Variants in RBFOX1 observed in about 807,000 individuals in gnomAD.
RBFOX1 encodes RNA binding protein fox-1 homolog 1.
RBFOX1 carries 8 observed loss-of-function variants against 57.7 expected under a neutral mutation model. That is an observed-to-expected ratio of 0.14 (90% CI 0.08 to 0.25). The LOEUF (loss-of-function observed/expected upper bound fraction) is 0.25, where lower values mean the gene tolerates loss of function less well. Among genes scored for constraint, RBFOX1 ranks in the 10% least tolerant of loss-of-function variants. RBFOX1 has a pLI of 1.00. For missense variants in RBFOX1, 611 were observed against 548.5 expected (o/e 1.11, Z -1.14); for synonymous variants, 326 against 222.4 (o/e 1.47, Z -4.15).
chr16:5,777,451 T>C (rs2054184326), intron 3 of RBFOX1, among the ~76,000 whole-genome samples: 1 of 152,222 alleles, frequency 6.6e-6, no homozygotes, highest in Non-Finnish European at 1.5e-5. Flanking sequence ...GATGAGACTC[T>C]AGGCAGTAGG....
At chr16:5,595,418 G>A (rs760285030) in intron 2 of RBFOX1, among the ~76,000 whole-genome samples, 8 of 152,182 alleles carry the variant, frequency 5.3e-5, no homozygotes, top group Non-Finnish European at 8.8e-5. Flanking sequence ...TACATTTCCA[G>A]GGGAGACTAC....
At chr16:6,110,906 A>G (rs756060154) in intron 1 of RBFOX1, among the ~76,000 whole-genome samples, 12 of 152,206 alleles carry the variant, frequency 7.9e-5, no homozygotes, top group African/African-American at 1.2e-4. Flanking sequence ...CAAAATGTCA[A>G]TAGTGTTGAG....
chr16:7,563,003 G>C (rs2090779510), intron 5 of RBFOX1, among the ~76,000 whole-genome samples: 1 of 152,146 alleles, frequency 6.6e-6, no homozygotes, highest in South Asian at 2.1e-4. Flanking sequence ...GGATTGCAAT[G>C]CCAGGGCTCT....
At chr16:7,157,194 G>T (rs1423487474) in intron 4 of RBFOX1, among the ~76,000 whole-genome samples, 3 of 152,206 alleles carry the variant, frequency 2.0e-5, no homozygotes, top group Non-Finnish European at 4.4e-5. Flanking sequence ...TAGAATTGCA[G>T]GCTGGAAAGC....
chr16:6,835,195 C>T (rs1281206271), intron 3 of RBFOX1, among the ~76,000 whole-genome samples: 1 of 152,018 alleles, frequency 6.6e-6, no homozygotes, highest in Non-Finnish European at 1.5e-5. Flanking sequence ...GCCACCACGC[C>T]CGACCGGCCT....
intron 3 of RBFOX1, among the ~76,000 whole-genome samples, chr16:7,031,470 C>G (rs1453406096): frequency 1.3e-5 from 2 of 151,986 alleles, no homozygotes; most frequent in African/African-American, 4.8e-5. Flanking sequence ...GTGGCACATG[C>G]CTGTAGTTCT....
In RBFOX1 at chr16:7,213,245, C is replaced by T. The variant is rs113459777; in HGVS notation, c.27+161147C>T. ...AAAACAATGAGGCATCAGTTTTTCC[C>T]CCTTTATCAGTGGTTCCCCATTCTG... On this transcript the variant is annotated intron_variant, in intron 4 of 15. Transcript: ENST00000550418. Among the ~76,000 whole-genome samples the T allele has an allele frequency of 9.9e-3, 1,504 of 152,194 alleles. 30 individuals are homozygous for T. The highest frequency in any genetic ancestry group is 0.035 in the African/African-American group (1,444 of 41,498).
chr16:5,911,533 G>A (rs2058602132), intron 4 of RBFOX1, among the ~76,000 whole-genome samples: 1 of 152,182 alleles, frequency 6.6e-6, no homozygotes, highest in Admixed American at 6.5e-5. Flanking sequence ...TACGTTATGA[G>A]TCTTCAACGC....
intron 2 of RBFOX1, among the ~76,000 whole-genome samples, chr16:5,520,085 C>A (rs1414551022): frequency 1.3e-5 from 2 of 152,142 alleles, no homozygotes; most frequent in South Asian, 2.1e-4. Context: ...GTGATGGAAT[C>A]ATTTAAAGAA....
chr16:6,071,480 GA>G, intron 1 of RBFOX1, among the ~76,000 whole-genome samples: 1 of 152,108 alleles, frequency 6.6e-6, no homozygotes, highest in Non-Finnish European at 1.5e-5. Context: ...CCAATAACAT[GA>G]GTTTACCGAT....
chr16:7,557,585 A>C (rs1489960723), intron 5 of RBFOX1, among the ~76,000 whole-genome samples: 2 of 133,286 alleles, frequency 1.5e-5, no homozygotes, highest in Non-Finnish European at 3.1e-5. Flanking sequence ...GTACCACTGC[A>C]CTCCAGCCTG....
At chr16:6,720,783 G>T (rs983432444) in intron 3 of RBFOX1, among the ~76,000 whole-genome samples, 2 of 152,138 alleles carry the variant, frequency 1.3e-5, no homozygotes, top group African/African-American at 4.8e-5. Context: ...CTTCAAATAG[G>T]TGATAAAGTA....
At chr16:6,372,209 G>T (rs1484969022) in intron 2 of RBFOX1, among the ~76,000 whole-genome samples, 1 of 151,570 alleles carries the variant, frequency 6.6e-6, no homozygotes, top group East Asian at 2.0e-4. Context: ...GGATGAGAGG[G>T]TGGTTGGTAA....
At chr16:6,937,027 G>A (rs1029221679) in intron 3 of RBFOX1, among the ~76,000 whole-genome samples, 2 of 151,762 alleles carry the variant, frequency 1.3e-5, no homozygotes. Context: ...CACCAGCATT[G>A]CACATGTATA....
intron 4 of RBFOX1, among the ~76,000 whole-genome samples, chr16:7,278,337 ATGG>A (rs2095479647): frequency 6.6e-6 from 1 of 152,196 alleles, no homozygotes; most frequent in Non-Finnish European, 1.5e-5. Context: ...GTGTCTCTAG[ATGG>A]TGAAGTCTTA....
At chr16:6,234,952 T>C (rs1288179586) in intron 1 of RBFOX1, among the ~76,000 whole-genome samples, 2 of 152,166 alleles carry the variant, frequency 1.3e-5, no homozygotes, top group Non-Finnish European at 2.9e-5. Context: ...ACTGGGTAAA[T>C]TGTGCATAGG....
At chr16:5,866,623 A>G (rs1280139461) in intron 3 of RBFOX1, among the ~76,000 whole-genome samples, 3 of 152,256 alleles carry the variant, frequency 2.0e-5, no homozygotes, top group Non-Finnish European at 4.4e-5. Flanking sequence ...AGGCTTGTAG[A>G]TAGGAGGCTG....
At chr16:7,649,805 T>C (rs1242110167) in intron 11 of RBFOX1, among the ~76,000 whole-genome samples, 3 of 152,114 alleles carry the variant, frequency 2.0e-5, no homozygotes, top group Non-Finnish European at 4.4e-5. Flanking sequence ...CCAGTAAGCG[T>C]CCTTCTCCTT....
intron 3 of RBFOX1, among the ~76,000 whole-genome samples, chr16:6,873,025 T>G (rs2061216501): frequency 6.6e-6 from 1 of 152,042 alleles, no homozygotes; most frequent in Non-Finnish European, 1.5e-5. Flanking sequence ...TATACTGCAG[T>G]GTGTTCTATA....
Sources: gnomAD v4.1 joint callset for allele counts (sites outside exome capture counted in the v4.1 genomes callset) on GRCh38, gnomAD v4.1.1 for gene constraint, MANE v1.5 for transcripts, NCBI Gene and HGNC (gene_info 2026-07-23, HGNC 2026-07-21) for gene names.